SH3KBP1: variants seen among roughly 807,000 people sequenced by gnomAD.
The protein encoded by SH3KBP1 is SH3 domain-containing kinase-binding protein 1.
SH3KBP1 carries 8 observed loss-of-function variants against 50.1 expected under a neutral mutation model. That is an observed-to-expected ratio of 0.16 (90% CI 0.09 to 0.29). The LOEUF (loss-of-function observed/expected upper bound fraction) is 0.29, where lower values mean the gene tolerates loss of function less well. Among genes scored for constraint, SH3KBP1 ranks in the 10% least tolerant of loss-of-function variants. The pLI, the probability that SH3KBP1 is intolerant of heterozygous loss-of-function variation, is 1.00. For missense variants in SH3KBP1, 377 were observed against 535.2 expected, an observed-to-expected ratio of 0.70 and a Z score of 2.92; for synonymous variants, 227 against 218.6, an observed-to-expected ratio of 1.04 and a Z score of -0.34.
chrX:19,804,328 AG>A (rs1194471028), intron 2 of SH3KBP1, among the ~76,000 whole-genome samples: 3 of 110,972 alleles, frequency 2.7e-5, no homozygotes, highest in African/African-American at 9.9e-5. Flanking sequence ...GAGGCACTCC[AG>A]GGGCCTTCAC....
chrX:19,836,032 A>G, intron 2 of SH3KBP1, 93 bp downstream of exon 2: 5 of 825,734 alleles, frequency 6.1e-6, no homozygotes, highest in South Asian at 2.3e-5. Flanking sequence ...ATTCCCTAAG[A>G]GAGTTCATGC....
chrX:19,639,634 G>A (rs746823126), intron 7 of SH3KBP1, among the ~76,000 whole-genome samples: 8 of 111,468 alleles, frequency 7.2e-5, no homozygotes, highest in Non-Finnish European at 1.3e-4. Flanking sequence ...CTGTATTGGG[G>A]AGCAAGTGAT....
chrX:19,792,930 A>G (rs1005302203), intron 2 of SH3KBP1, among the ~76,000 whole-genome samples: 2 of 110,381 alleles, frequency 1.8e-5, no homozygotes, highest in Admixed American at 9.7e-5. Flanking sequence ...TGCCAAGGCT[A>G]AGAAACTCTG....
intron 2 of SH3KBP1, among the ~76,000 whole-genome samples, chrX:19,756,310 C>T (rs1482429739): frequency 3.6e-5 from 4 of 111,032 alleles, no homozygotes; most frequent in Non-Finnish European, 7.5e-5. Flanking sequence ...TCTCAGAATA[C>T]TGTTTGTTTT....
chrX:19,844,356 T>C (rs1279810721), intron 1 of SH3KBP1, among the ~76,000 whole-genome samples: 1 of 111,704 alleles, frequency 9.0e-6, no homozygotes, highest in Non-Finnish European at 1.9e-5. Context: ...CCTTACAAAG[T>C]ACTGACCTCG....
chrX:19,782,953 AAC>A (rs2147126354), intron 2 of SH3KBP1, among the ~76,000 whole-genome samples: 1 of 111,521 alleles, frequency 9.0e-6, no homozygotes, highest in African/African-American at 3.3e-5. Flanking sequence ...AGAGAAAAAA[AAC>A]AACAACAAAA....
chrX:19,572,272 T>C (rs1372789289), intron 12 of SH3KBP1, among the ~76,000 whole-genome samples: 1 of 105,984 alleles, frequency 9.4e-6, no homozygotes, highest in Non-Finnish European at 1.9e-5. Context: ...TTATATAGAG[T>C]ATATGTTATA....
At chrX:19,659,055 A>C (rs2148471363) in intron 6 of SH3KBP1, among the ~76,000 whole-genome samples, 1 of 107,343 alleles carries the variant, frequency 9.3e-6, no homozygotes, top group Non-Finnish European at 1.9e-5. Flanking sequence ...TCCTGGGCTC[A>C]AGCGAGCCTC....
At chrX:19,800,733 G>C (rs2066865876) in intron 2 of SH3KBP1, among the ~76,000 whole-genome samples, 1 of 111,889 alleles carries the variant, frequency 8.9e-6, no homozygotes, top group African/African-American at 3.3e-5. Context: ...TGTAAAGTTA[G>C]GGTCAGCTTC....
intron 2 of SH3KBP1, among the ~76,000 whole-genome samples, chrX:19,815,343 A>G (rs2067321212): frequency 9.0e-6 from 1 of 111,078 alleles, no homozygotes; most frequent in Non-Finnish European, 1.9e-5. Context: ...ATCTACTCAC[A>G]AGAACTTACA....
intron 13 of SH3KBP1, among the ~76,000 whole-genome samples, chrX:19,565,155 G>A (rs1453489514): frequency 4.0e-5 from 4 of 98,879 alleles, no homozygotes; most frequent in Non-Finnish European, 7.9e-5. Flanking sequence ...TCCGCCTCCC[G>A]GGTTCAAGCG....
At chrX:19,761,692 G>A (rs5955844) in intron 2 of SH3KBP1, among the ~76,000 whole-genome samples, 3 of 111,292 alleles carry the variant, frequency 2.7e-5, no homozygotes, top group Non-Finnish European at 3.8e-5. Flanking sequence ...ACTGAAGAAC[G>A]ACTGCCTCCT....
chrX:19,536,209 G>A lies in SH3KBP1; in HGVS notation c.*208C>T, dbSNP rs1047569573. On this transcript the variant is annotated 3_prime_UTR_variant, in exon 18 of 18. Transcript: ENST00000397821. ...AATTTTGCTCTGTGTAAGTCACAAC[G>A]AGTGCCAGCCCCAGGACTAAACCCT... is the stretch of plus-strand genomic sequence containing the variant. 6.0e-6 allele frequency: 2 copies of A among 330,879 alleles called. No individual in the cohort carries two copies. Among genetic ancestry groups the A allele is most frequent in the East Asian group, 4.8e-5 (1 of 21,028 alleles). The allele number at this position is 330,879 out of a possible 1,213,427, so 27.3% of individuals were successfully genotyped here. A position where few individuals can be genotyped will look rare whatever the true frequency, so the allele number is the denominator to read the frequency against.
chrX:19,610,183 T>A (rs1352859352), intron 8 of SH3KBP1, among the ~76,000 whole-genome samples: 2 of 112,067 alleles, frequency 1.8e-5, no homozygotes, highest in African/African-American at 3.2e-5. Flanking sequence ...TCTTTCAACA[T>A]GAAAGGATGC....
chrX:19,617,549 T>C (rs1353154513), intron 8 of SH3KBP1, among the ~76,000 whole-genome samples: 1 of 112,663 alleles, frequency 8.9e-6, no homozygotes, highest in Non-Finnish European at 1.9e-5. Flanking sequence ...TCCTGGAGTT[T>C]CCTTTGCCAG....
intron 3 of SH3KBP1, among the ~76,000 whole-genome samples, chrX:19,743,513 G>A (rs1398153368): frequency 8.9e-6 from 1 of 111,818 alleles, no homozygotes; most frequent in Non-Finnish European, 1.9e-5. Flanking sequence ...CTCTGCAGAC[G>A]TTTACAAACG....
chrX:19,690,056 CTCTCT>C (rs1241857512), intron 5 of SH3KBP1, among the ~76,000 whole-genome samples: 4 of 100,268 alleles, frequency 4.0e-5, no homozygotes, highest in Non-Finnish European at 7.8e-5. Context: ...CTCTCTCTCT[CTCTCT>C]TTTTTTTTTT....
intron 11 of SH3KBP1, among the ~76,000 whole-genome samples, chrX:19,589,851 G>A (rs1314006087): frequency 9.1e-6 from 1 of 109,392 alleles, no homozygotes; most frequent in Non-Finnish European, 1.9e-5. Context: ...TGGGCGCGGT[G>A]GCTCACATCT....
chrX:19,881,711 G>A (rs996561309), intron 1 of SH3KBP1, among the ~76,000 whole-genome samples: 2 of 111,686 alleles, frequency 1.8e-5, no homozygotes, highest in Non-Finnish European at 3.8e-5. Flanking sequence ...TGGCAAAGTG[G>A]CTGCAATCAC....
Sources: gnomAD v4.1 joint callset for allele counts (sites outside exome capture counted in the v4.1 genomes callset) on GRCh38, gnomAD v4.1.1 for gene constraint, MANE v1.5 for transcripts, NCBI Gene and HGNC (gene_info 2026-07-23, HGNC 2026-07-21) for gene names.